ENOSF1: variants seen among roughly 807,000 people sequenced by gnomAD.
ENOSF1 encodes enolase superfamily member 1.
Under a neutral mutation model 68.2 loss-of-function variants are expected in ENOSF1, and 73 were observed. That is an observed-to-expected ratio of 1.07 (90% confidence interval 0.89 to 1.30). The LOEUF is 1.30. Ranked by LOEUF, ENOSF1 falls within the 50% of genes most tolerant of loss-of-function variation. The pLI is 0.00. For missense variants in ENOSF1, 589 were observed against 554.5 expected, an observed-to-expected ratio of 1.06 and a Z score of -0.62; for synonymous variants, 223 against 210.4, an observed-to-expected ratio of 1.06 and a Z score of -0.52.
At chr18:699,783 G>A (rs1232238947) in intron 2 of ENOSF1, among the ~76,000 whole-genome samples, 1 of 152,178 alleles carries the variant, frequency 6.6e-6, no homozygotes, top group African/African-American at 2.4e-5. Context: ...AGGACAGTTT[G>A]AAAGTGGTGC....
intron 1 of ENOSF1, among the ~76,000 whole-genome samples, chr18:709,922 T>C (rs970055961): frequency 1.6e-4 from 24 of 152,190 alleles, no homozygotes; most frequent in African/African-American, 5.8e-4. Flanking sequence ...CATGGTGAAC[T>C]GCAAAACAGC....
chr18:666,891 AGATGGTGATGGAGATGGTGATGGT>A (rs2074825985), downstream of ENOSF1, among the ~76,000 whole-genome samples: 6 of 62,186 alleles, frequency 9.6e-5, 1 homozygote, highest in African/African-American at 5.6e-4. Context: ...AAAGTTCGGG[AGATGGTGATGGAGATGGTGATGGT>A]GATGGAGATG....
Position 705,812 on chromosome 18 carries a change from C to A in ENOSF1, c.193+658G>T, listed in dbSNP as rs540759502. The stretch of plus-strand genomic sequence containing the variant: ...TCATTTGAGGTCAGGAGTTCGAGAC[C>A]AGCCTGGTCAACATGGTGAAACCCT... On this transcript the variant is annotated intron_variant, in intron 2 of 15. Coordinates refer to ENST00000647584, the MANE Select transcript of ENOSF1 (RefSeq NM_017512.7). 2.0e-5 allele frequency among the ~76,000 whole-genome samples: 3 copies of A among 152,088 alleles called. No individual in the cohort carries two copies. In the South Asian group the frequency reaches 6.3e-4, roughly 32 times the overall value.
chr18:671,373 T>G lies in ENOSF1; in HGVS notation c.*2932A>C, dbSNP rs769277885. 1.5e-5 allele frequency: 24 copies of G among 1,598,542 alleles called. No homozygotes were observed. In the Admixed American group the frequency reaches 2.3e-4, roughly 16 times the overall value. On this transcript the variant is annotated 3_prime_UTR_variant, in exon 16 of 16. Coordinates refer to ENST00000647584, the MANE Select transcript of ENOSF1 (RefSeq NM_017512.7). Reference sequence around the variant, plus strand: ...ATACTGTTCTGCTTTCTCCCCCGGGTTTATAGCCAGGTGACTTTATACACA... The same window carrying G: ...ATACTGTTCTGCTTTCTCCCCCGGGGTTATAGCCAGGTGACTTTATACACA...
At chr18:691,355 CTT>C in intron 5 of ENOSF1, 79 bp from the exon 6 acceptor site, 1 of 1,220,204 alleles carries the variant, frequency 8.2e-7, no homozygotes, top group Non-Finnish European at 1.2e-6. Context: ...ATTTATTATT[CTT>C]TTTTTAGAGA....
At chr18:691,312 A>G in intron 5 of ENOSF1, 36 bp from the exon 6 acceptor site, 1 of 1,526,226 alleles carries the variant, frequency 6.6e-7, no homozygotes, top group South Asian at 1.2e-5. Context: ...GGCCTGAATC[A>G]ATTATAAGGT....
chr18:691,135 CTT>C, intron 6 of ENOSF1, 29 bp from the exon 7 acceptor site: 1 of 1,614,150 alleles, frequency 6.2e-7, no homozygotes, highest in East Asian at 2.2e-5. Flanking sequence ...ATCACTCACT[CTT>C]TTAGGAAACA....
intron 3 of ENOSF1, among the ~76,000 whole-genome samples, chr18:694,829 T>TATA (rs2077558682): frequency 6.6e-6 from 1 of 152,146 alleles, no homozygotes; most frequent in Non-Finnish European, 1.5e-5. Context: ...TATATATATG[T>TATA]TAAGTATATG....
At chr18:690,747 TG>T in intron 7 of ENOSF1, 116 bp from the exon 8 acceptor site, 1 of 1,221,354 alleles carries the variant, frequency 8.2e-7, no homozygotes, top group Non-Finnish European at 1.1e-6. Context: ...GATCCGGCCC[TG>T]CACACACACA....
intron 11 of ENOSF1, 105 bp downstream of exon 11, chr18:683,141 A>C: frequency 7.3e-7 from 1 of 1,375,584 alleles, no homozygotes; most frequent in Non-Finnish European, 1.0e-6. Flanking sequence ...CTTCAACAGG[A>C]AATGCAAGAG....
Position 671,165 on chromosome 18 carries a change from GGGA to G in ENOSF1, c.*3137_*3139del, listed in dbSNP as rs2075027447. Reference sequence around the variant, plus strand: ...CTCATGCCTGTAATCCCAGCACTTTGGGAGACTGAGACAGGAGCAATTGCTTGA... The same window carrying G: ...CTCATGCCTGTAATCCCAGCACTTTGGACTGAGACAGGAGCAATTGCTTGA... On this transcript the variant is annotated 3_prime_UTR_variant, in exon 16 of 16. Transcript: ENST00000647584. The G allele has an allele frequency of 2.6e-5, 16 of 613,262 alleles. No homozygotes were observed. In the South Asian group the frequency reaches 3.2e-4, roughly 12 times the overall value. The allele number at this position is 613,262 out of a possible 1,614,324, so 38.0% of individuals were successfully genotyped here.
In ENOSF1 at chr18:712,614, C is replaced by T. The variant is rs1329583720; in HGVS notation, c.-27G>A. 2.0e-6 allele frequency: 3 copies of T among 1,529,378 alleles called. No homozygotes were observed. The highest frequency in any genetic ancestry group is 2.6e-6 in the Non-Finnish European group (3 of 1,143,100). 94.7% of individuals were successfully genotyped at this position (1,529,378 alleles called of 1,614,324 possible). A position where few individuals can be genotyped will look rare whatever the true frequency, so the allele number is the denominator to read the frequency against. ...GCCCCTGCGCCCCGTGGCCGCGGCC[C>T]CCGTGCGGTCAGGACTGGTCGGGAT... is the stretch of plus-strand genomic sequence containing the variant. On this transcript the variant is annotated 5_prime_UTR_variant, in exon 1 of 16. Transcript: ENST00000647584.
rs190182049 is a variant in ENOSF1, at chr18:695,439, G to C, written c.310-1105C>G. On this transcript the variant is annotated intron_variant, in intron 3 of 15. Transcript: ENST00000647584. ...TTTTCCAAGTAAGGAGGTTATTATT[G>C]TCCCAAAATTTGGGCATCCCTTGAT... Among the ~76,000 whole-genome samples, 48 of 152,210 alleles carry C rather than the reference G, an allele frequency of 3.2e-4. 1 individual carries two copies. The East Asian group carries it at 8.1e-3, about 26-fold the overall frequency.
chr18:710,518 T>A (rs2079397068), intron 1 of ENOSF1, among the ~76,000 whole-genome samples: 1 of 152,096 alleles, frequency 6.6e-6, no homozygotes, highest in Non-Finnish European at 1.5e-5. Context: ...CCCCTCCTTT[T>A]TTCTTTAGAA....
downstream of ENOSF1, chr18:670,291 T>C (rs112352370): frequency 4.1e-3 from 655 of 158,118 alleles, 7 homozygotes; most frequent in African/African-American, 0.015. Flanking sequence ...GGCGTCCCAG[T>C]GTTGGGATTT....
At chr18:696,630 A>G (rs2077765719) in intron 3 of ENOSF1, among the ~76,000 whole-genome samples, 1 of 152,172 alleles carries the variant, frequency 6.6e-6, no homozygotes, top group Non-Finnish European at 1.5e-5. Context: ...AGGTCCTTAG[A>G]GAAGAGATAG....
chr18:668,987 G>C, downstream of ENOSF1: 1 of 1,134,818 alleles, frequency 8.8e-7, no homozygotes, highest in South Asian at 1.4e-5. Flanking sequence ...CTGGGTAAGA[G>C]ACTGTAATAG....
chr18:705,695 G>T (rs2847169), intron 2 of ENOSF1, among the ~76,000 whole-genome samples: 92,043 of 151,716 alleles, frequency 0.61, 28,263 homozygotes, highest in African/African-American at 0.72. Context: ...ATAGTGAACT[G>T]GAAACCGATT....
chr18:697,452 T>A (rs1242978803), intron 2 of ENOSF1, 97 bp from the exon 3 acceptor site: 1 of 1,040,240 alleles, frequency 9.6e-7, no homozygotes, highest in Non-Finnish European at 1.4e-6. Flanking sequence ...GAAAGTTTTA[T>A]GAAAAAATTA....
Sources: gnomAD v4.1 joint callset for allele counts (sites outside exome capture counted in the v4.1 genomes callset) on GRCh38, gnomAD v4.1.1 for gene constraint, MANE v1.5 for transcripts, NCBI Gene and HGNC (gene_info 2026-07-23, HGNC 2026-07-21) for gene names.